PXDNL: variants seen among roughly 807,000 people sequenced by gnomAD.
PXDNL encodes the protein peroxidasin like.
Under a neutral mutation model 150.8 loss-of-function variants are expected in PXDNL, and 145 were observed. The observed-to-expected ratio is 0.96, with a 90% confidence interval of 0.84 to 1.10. PXDNL has a LOEUF of 1.10. Among genes scored for constraint, PXDNL ranks in the 50% least tolerant of loss-of-function variants. PXDNL has a pLI of 0.00. For synonymous variants in PXDNL, 757 were observed against 725.7 expected (o/e 1.04, Z -0.69); for missense variants, 2,087 against 1,873.9 (o/e 1.11, Z -2.10).
chr8:51,656,309 T>TTA lies in PXDNL; in HGVS notation c.165-1550_165-1549insTA, dbSNP rs1388706187. 2.0e-3 allele frequency among the ~76,000 whole-genome samples: 312 copies of TTA among 152,302 alleles called. 2 individuals are homozygous for TTA. The highest frequency in any genetic ancestry group is 7.1e-3 in the African/African-American group (293 of 41,560). Reference sequence around the variant, plus strand: ...ATGAGCAAAATTTTATAGGAGCTATTATTTTCAATTAAAATTATTAAATAA... The same window carrying TTA: ...ATGAGCAAAATTTTATAGGAGCTATTTAATTTTCAATTAAAATTATTAAATAA... On this transcript the variant is annotated intron_variant, in intron 1 of 22. Transcript: ENST00000356297.
intron 3 of PXDNL, among the ~76,000 whole-genome samples, chr8:51,564,706 G>C (rs900607109): frequency 6.6e-6 from 1 of 151,688 alleles, no homozygotes; most frequent in African/African-American, 2.4e-5. Context: ...AGTACAGGGA[G>C]TCATGAAATT....
At chr8:51,799,303 ATGGG>A (rs2037594443) in intron 1 of PXDNL, among the ~76,000 whole-genome samples, 3 of 152,266 alleles carry the variant, frequency 2.0e-5, no homozygotes, top group Admixed American at 2.0e-4. Context: ...TACCTAGGTG[ATGGG>A]TTGATAGGTG....
chr8:51,508,566 C>T (rs1388410618), intron 4 of PXDNL, among the ~76,000 whole-genome samples: 6 of 152,300 alleles, frequency 3.9e-5, no homozygotes, highest in Non-Finnish European at 7.4e-5. Flanking sequence ...TTCACTACTT[C>T]CTTCTCTTTC....
At chr8:51,570,254 G>GT (rs112128041) in intron 3 of PXDNL, among the ~76,000 whole-genome samples, 10,743 of 151,926 alleles carry the variant, frequency 0.071, 969 homozygotes, top group African/African-American at 0.22. Flanking sequence ...ACATGACGCT[G>GT]TGGGTTCCAC....
intron 6 of PXDNL, 121 bp downstream of exon 6, chr8:51,483,522 C>T (rs2130171410): frequency 2.9e-6 from 2 of 694,480 alleles, no homozygotes; most frequent in East Asian, 5.5e-5. Context: ...TTCTCCCTAA[C>T]ATGCTAGAAT....
intron 3 of PXDNL, among the ~76,000 whole-genome samples, chr8:51,580,614 A>T (rs376715138): frequency 2.8e-4 from 43 of 152,322 alleles, no homozygotes; most frequent in South Asian, 1.9e-3. Flanking sequence ...TTAAAAATAC[A>T]GTTGATGTAC....
At chr8:51,691,490 C>T (rs553569244) in intron 1 of PXDNL, among the ~76,000 whole-genome samples, 8 of 151,084 alleles carry the variant, frequency 5.3e-5, no homozygotes, top group Non-Finnish European at 1.0e-4. Flanking sequence ...AGACATGCGG[C>T]GTTATACTGT....
At chr8:51,377,702 T>G (rs1178718347) in intron 17 of PXDNL, among the ~76,000 whole-genome samples, 1 of 152,184 alleles carries the variant, frequency 6.6e-6, no homozygotes. Context: ...CCAGCAGTTC[T>G]GGCTGGCCAG....
intron 8 of PXDNL, among the ~76,000 whole-genome samples, chr8:51,471,468 C>T (rs1367568401): frequency 6.6e-6 from 1 of 152,130 alleles, no homozygotes; most frequent in Non-Finnish European, 1.5e-5. Flanking sequence ...TGCCAGTTTG[C>T]TTAAATAATC....
intron 19 of PXDNL, among the ~76,000 whole-genome samples, chr8:51,356,040 G>A (rs1806497650): frequency 6.6e-6 from 1 of 152,242 alleles, no homozygotes; most frequent in African/African-American, 2.4e-5. Flanking sequence ...TTGGCAATGG[G>A]GAGTCTGAGC....
At chr8:51,748,847 T>A (rs1170482535) in intron 1 of PXDNL, among the ~76,000 whole-genome samples, 1 of 152,122 alleles carries the variant, frequency 6.6e-6, no homozygotes, top group Non-Finnish European at 1.5e-5. Flanking sequence ...CGAAACAACC[T>A]GCAAAACTAC....
chr8:51,352,787 T>C (rs915415410), intron 19 of PXDNL, among the ~76,000 whole-genome samples: 2 of 152,048 alleles, frequency 1.3e-5, no homozygotes, highest in Non-Finnish European at 2.9e-5. Flanking sequence ...AAGAGTGAAA[T>C]CATGTCTTTT....
At chr8:51,471,913 C>G (rs1177760142) in intron 8 of PXDNL, among the ~76,000 whole-genome samples, 1 of 152,090 alleles carries the variant, frequency 6.6e-6, no homozygotes, top group Non-Finnish European at 1.5e-5. Context: ...GTCTCGATCT[C>G]CTGACCTTGT....
chr8:51,537,515 T>C (rs1305982326), intron 4 of PXDNL, among the ~76,000 whole-genome samples: 4 of 152,202 alleles, frequency 2.6e-5, no homozygotes, highest in Non-Finnish European at 5.9e-5. Flanking sequence ...ATGAGTCCCC[T>C]AACTCCCTGT....
intron 4 of PXDNL, among the ~76,000 whole-genome samples, chr8:51,539,598 T>C (rs963249704): frequency 6.6e-6 from 1 of 152,144 alleles, no homozygotes; most frequent in Non-Finnish European, 1.5e-5. Context: ...TTTGTTTTGT[T>C]TTTTTAATTG....
intron 14 of PXDNL, among the ~76,000 whole-genome samples, chr8:51,418,177 GTA>G (rs1211182190): frequency 3.9e-5 from 6 of 152,146 alleles, no homozygotes; most frequent in African/African-American, 1.2e-4. Flanking sequence ...ATACGTGTAT[GTA>G]TACTAGGTAG....
chr8:51,709,337 C>A (rs933464987), intron 1 of PXDNL, among the ~76,000 whole-genome samples: 26 of 151,968 alleles, frequency 1.7e-4, no homozygotes, highest in African/African-American at 6.3e-4. Context: ...TCACTGCAAG[C>A]TCCGCCTCCC....
chr8:51,505,342 TGGTATC>T (rs1254780054), intron 4 of PXDNL, among the ~76,000 whole-genome samples: 1 of 152,104 alleles, frequency 6.6e-6, no homozygotes, highest in Non-Finnish European at 1.5e-5. Flanking sequence ...CTGGTATCGC[TGGTATC>T]GCTTTAGCTT....
intron 19 of PXDNL, among the ~76,000 whole-genome samples, chr8:51,350,268 G>T (rs1806295051): frequency 1.3e-5 from 2 of 151,852 alleles, no homozygotes; most frequent in South Asian, 4.2e-4. Flanking sequence ...AGGGCCCAGG[G>T]GATTGGTCTG....
Sources: allele counts gnomAD v4.1 joint callset (sites outside exome capture counted in the v4.1 genomes callset), GRCh38; gene constraint gnomAD v4.1.1; transcripts MANE v1.5; gene names NCBI Gene and HGNC (gene_info 2026-07-23, HGNC 2026-07-21).